VWA5A: variants seen among roughly 807,000 people sequenced by gnomAD.
The protein encoded by VWA5A is von Willebrand factor A domain containing 5A, also known as von Willebrand factor A domain-containing protein 5A.
VWA5A carries 77 observed loss-of-function variants against 84.6 expected under a neutral mutation model. The observed-to-expected ratio is 0.91, with a 90% CI of 0.76 to 1.10. VWA5A has a LOEUF of 1.10. Ranked by LOEUF, VWA5A falls within the 50% of genes least tolerant of loss-of-function variation. The pLI is 0.00. For missense variants in VWA5A, 973 were observed against 963.0 expected (o/e 1.01, Z -0.14); for synonymous variants, 334 against 350.1 (o/e 0.95, Z 0.51).
At chr11:124,139,478 T>C (rs1860684529) in intron 15 of VWA5A, among the ~76,000 whole-genome samples, 2 of 152,196 alleles carry the variant, frequency 1.3e-5, no homozygotes, top group Admixed American at 1.3e-4. Flanking sequence ...CATCAATGTC[T>C]TACAATTTTC....
chr11:124,137,064 A>G lies in VWA5A; in HGVS notation c.1675A>G (p.Met559Val), dbSNP rs764705899. 4.3e-6 allele frequency: 7 copies of G among 1,613,032 alleles called. No individual in the cohort carries two copies. In the South Asian group the frequency reaches 4.4e-5, roughly 10 times the overall value. Residue 559 changes from methionine (M) to valine (V), a missense_variant, in exon 15 of 19, where the codon ATG becomes GTG. Physicochemically the swap from Met to Val is conservative, Grantham distance 21. Coordinates refer to ENST00000456829, the MANE Select transcript of VWA5A (RefSeq NM_001130142.2). ...AAKSLLQTKD[M>V]GLRETPASDK... ...CAAGTCCTTGCTCCAGACCAAGGACATGGGCCTCAGGGAGACTCCAGCAAG... is the reference window on the plus strand; with the variant it reads ...CAAGTCCTTGCTCCAGACCAAGGACGTGGGCCTCAGGGAGACTCCAGCAAG...
intron 14 of VWA5A, 75 bp downstream of exon 14, chr11:124,136,749 A>AG (rs1860599364): frequency 1.3e-5 from 7 of 556,344 alleles, no homozygotes; most frequent in East Asian, 9.9e-5. Flanking sequence ...TCCTTCCTTC[A>AG]TTCCCTCCCT....
At chr11:124,145,794 A>G in intron 18 of VWA5A, 72 bp from the exon 19 acceptor site, 1 of 1,447,688 alleles carries the variant, frequency 6.9e-7, no homozygotes, top group Non-Finnish European at 9.4e-7. Context: ...CTCAGGGTAG[A>G]TGATCTGGGA....
chr11:124,124,338 C>T (rs751873995), intron 11 of VWA5A, 22 bp downstream of exon 11: 22 of 1,611,698 alleles, frequency 1.4e-5, no homozygotes, highest in Admixed American at 6.7e-5. Context: ...ATGTGATTTC[C>T]GGGTGATTGG....
At chr11:124,145,843 C>T in intron 18 of VWA5A, 23 bp from the exon 19 acceptor site, 8 of 1,564,416 alleles carry the variant, frequency 5.1e-6, no homozygotes, top group Non-Finnish European at 6.9e-6. Flanking sequence ...TTCATCCCTG[C>T]TTCTTGTTTT....
intron 11 of VWA5A, among the ~76,000 whole-genome samples, chr11:124,130,029 T>C (rs1004538322): frequency 6.6e-6 from 1 of 152,202 alleles, no homozygotes; most frequent in Non-Finnish European, 1.5e-5. Context: ...AGCTTTTGAA[T>C]GTGTTTGCTC....
At chr11:124,127,516 T>C (rs1201247811) in intron 11 of VWA5A, among the ~76,000 whole-genome samples, 1 of 152,182 alleles carries the variant, frequency 6.6e-6, no homozygotes, top group Non-Finnish European at 1.5e-5. Flanking sequence ...TTTATAATCA[T>C]TTGGGTATAT....
chr11:124,139,940 A>G (rs1248867611), intron 15 of VWA5A, among the ~76,000 whole-genome samples: 4 of 152,166 alleles, frequency 2.6e-5, no homozygotes, highest in Admixed American at 6.5e-5. Flanking sequence ...TGAGTTTGCC[A>G]TAATTGTCTT....
intron 4 of VWA5A, 53 bp from the exon 5 acceptor site, chr11:124,118,136 A>G (rs939249755): frequency 2.2e-5 from 34 of 1,575,644 alleles, no homozygotes; most frequent in Middle Eastern, 2.2e-4. Flanking sequence ...TTTTTCAGCC[A>G]TGTCACCTTG....
chr11:124,119,760 G>A (rs940783937), intron 7 of VWA5A, among the ~76,000 whole-genome samples: 1 of 152,094 alleles, frequency 6.6e-6, no homozygotes, highest in Admixed American at 6.5e-5. Flanking sequence ...TGAAGTAATT[G>A]GACAAATGAC....
Position 124,142,509 on chromosome 11 carries a change from T to G in VWA5A, c.2091T>G (p.Asn697Lys). The G allele has an allele frequency of 6.2e-7, 1 of 1,614,170 alleles. No individual in the cohort carries two copies. The highest frequency in any genetic ancestry group is 8.5e-7 in the Non-Finnish European group (1 of 1,180,016). ...ATGCAAATGGTTCCTGGGATCTGAA[T>G]GAAGATCTAGCCAAGATCCTAGGTA... ...HQNANGSWDL[N>K]EDLAKILGMS... The change falls in exon 17 of 19, where the codon AAT becomes AAG. Residue 697 changes from asparagine to lysine, a missense_variant. Physicochemically the swap from Asn to Lys is moderately conservative, Grantham distance 94 (BLOSUM62 0). Coordinates refer to ENST00000456829, the MANE Select transcript of VWA5A (RefSeq NM_001130142.2).
intron 16 of VWA5A, among the ~76,000 whole-genome samples, chr11:124,142,161 C>T (rs1372689508): frequency 5.3e-5 from 8 of 152,106 alleles, no homozygotes; most frequent in Admixed American, 2.6e-4. Context: ...GACCCCTAGT[C>T]GAACAAACCC....
intron 11 of VWA5A, among the ~76,000 whole-genome samples, chr11:124,125,908 T>C (rs1865012094): frequency 6.6e-6 from 1 of 152,242 alleles, no homozygotes; most frequent in African/African-American, 2.4e-5. Flanking sequence ...TTCTGTGTCC[T>C]GTTAAAAAGT....
intron 14 of VWA5A, 75 bp downstream of exon 14, chr11:124,136,749 ATTCC>A: frequency 5.4e-6 from 3 of 553,936 alleles, no homozygotes; most frequent in East Asian, 5.0e-5. Context: ...TCCTTCCTTC[ATTCC>A]CTCCCTCCCT....
intron 2 of VWA5A, among the ~76,000 whole-genome samples, chr11:124,117,004 G>A (rs1482345591): frequency 6.6e-6 from 1 of 152,174 alleles, no homozygotes; most frequent in African/African-American, 2.4e-5. Flanking sequence ...TTGATTAACA[G>A]TAACAACAAT....
chr11:124,134,348 A>G (rs909535031), intron 11 of VWA5A, among the ~76,000 whole-genome samples: 2 of 152,266 alleles, frequency 1.3e-5, no homozygotes, highest in African/African-American at 2.4e-5. Flanking sequence ...CGCCTGTGCT[A>G]GTACTACCAA....
At chr11:124,124,098 G>A (rs933273049) in intron 10 of VWA5A, 139 bp from the exon 11 acceptor site, 88 of 940,098 alleles carry the variant, frequency 9.4e-5, no homozygotes, top group Non-Finnish European at 1.4e-4. Context: ...GCCAGCGACT[G>A]AAACATTAGG....
At chr11:124,123,978 C>T (rs937409249) in intron 10 of VWA5A, among the ~76,000 whole-genome samples, 174 bp downstream of exon 10, 8 of 152,100 alleles carry the variant, frequency 5.3e-5, no homozygotes, top group African/African-American at 1.9e-4. Context: ...TAACTCCATG[C>T]GATGGACACT....
At chr11:124,117,333 T>A in intron 2 of VWA5A, 164 bp from the exon 3 acceptor site, 1 of 687,180 alleles carries the variant, frequency 1.5e-6, no homozygotes, top group Non-Finnish European at 2.5e-6. Context: ...AAAGGACCCT[T>A]ATGACTGAAA....
Sources: gnomAD v4.1 joint callset for allele counts (sites outside exome capture counted in the v4.1 genomes callset) on GRCh38, gnomAD v4.1.1 for gene constraint, MANE v1.5 for transcripts, NCBI Gene and HGNC (gene_info 2026-07-23, HGNC 2026-07-21) for gene names.